The following PDE8B variants were observed in gnomAD, a reference collection of about 807,000 sequenced individuals.
PDE8B encodes the protein phosphodiesterase 8B.
Under a neutral mutation model 101.3 loss-of-function variants are expected in PDE8B, and 26 were observed. The ratio of observed to expected loss-of-function variants is 0.26; its 90% CI spans 0.19 to 0.36. PDE8B has a LOEUF of 0.36. PDE8B is among the 10% of genes least tolerant of loss of function. PDE8B has a pLI of 1.00. For missense variants in PDE8B, 810 were observed against 1,163.1 expected, an observed-to-expected ratio of 0.70 and a Z score of 4.42; for synonymous variants, 424 against 429.3, an observed-to-expected ratio of 0.99 and a Z score of 0.15.
the PDE8B span, among the ~76,000 whole-genome samples, chr5:77,099,403 T>C: frequency 6.6e-6 from 1 of 152,174 alleles, no homozygotes. Context: ...GCCTGTTCAA[T>C]ATGTAGCAGG....
the PDE8B span, among the ~76,000 whole-genome samples, chr5:77,168,483 T>C: frequency 5.9e-5 from 9 of 152,230 alleles, no homozygotes; most frequent in Non-Finnish European, 1.2e-4. Flanking sequence ...CTCTGCCACT[T>C]GTGCCCTGGT....
intron 6 of PDE8B, among the ~76,000 whole-genome samples, chr5:77,341,682 A>G (rs946592694): frequency 3.9e-5 from 6 of 152,226 alleles, no homozygotes; most frequent in African/African-American, 1.2e-4. Flanking sequence ...CCTTCCCTAC[A>G]GTGCTTCGTC....
At chr5:77,362,219 G>A (rs377235130) in intron 10 of PDE8B, among the ~76,000 whole-genome samples, 4 of 152,322 alleles carry the variant, frequency 2.6e-5, no homozygotes, top group African/African-American at 7.2e-5. Flanking sequence ...AGTACATACT[G>A]ACTTGCGAAA....
chr5:77,242,029 C>G (rs910433828), intron 1 of PDE8B, among the ~76,000 whole-genome samples: 1 of 152,202 alleles, frequency 6.6e-6, no homozygotes, highest in Non-Finnish European at 1.5e-5. Flanking sequence ...TGTAAAATAT[C>G]CAGAGCTTCT....
intron 20 of PDE8B, among the ~76,000 whole-genome samples, chr5:77,422,205 G>C (rs1041976350): frequency 3.9e-5 from 6 of 152,214 alleles, no homozygotes; most frequent in Admixed American, 3.3e-4. Context: ...TGAGAAGGGG[G>C]ATAAACTGAG....
chr5:77,234,921 G>A (rs764343482), intron 1 of PDE8B, among the ~76,000 whole-genome samples: 2 of 152,136 alleles, frequency 1.3e-5, no homozygotes, highest in African/African-American at 4.8e-5. Flanking sequence ...GAGCATGCAC[G>A]CAAAGTGCTC....
intron 1 of PDE8B, among the ~76,000 whole-genome samples, chr5:77,297,902 C>T (rs1282277061): frequency 1.3e-5 from 2 of 152,176 alleles, no homozygotes; most frequent in African/African-American, 4.8e-5. Context: ...TTGCCTGAAT[C>T]CCCAGATTGA....
chr5:77,206,446 G>T (rs1341334898), upstream of PDE8B, among the ~76,000 whole-genome samples: 1 of 152,208 alleles, frequency 6.6e-6, no homozygotes. Flanking sequence ...ACACGGGTTG[G>T]GAATAGGCAT....
chr5:77,156,410 T>C, the PDE8B span, among the ~76,000 whole-genome samples: 1 of 152,226 alleles, frequency 6.6e-6, no homozygotes, highest in Non-Finnish European at 1.5e-5. Context: ...ACTGTCAATG[T>C]AGGTAGATTG....
chr5:77,152,459 C>T, the PDE8B span, among the ~76,000 whole-genome samples: 15,228 of 152,092 alleles, frequency 0.1, 1,182 homozygotes, highest in African/African-American at 0.22. Flanking sequence ...GTCCTTATGG[C>T]GGGGAGTGGC....
chr5:77,349,004 A>T (rs574217705), intron 7 of PDE8B, among the ~76,000 whole-genome samples: 102 of 152,188 alleles, frequency 6.7e-4, no homozygotes, highest in African/African-American at 2.4e-3. Context: ...TTCTTTTTTT[A>T]ACTACAAACA....
At chr5:77,218,947 T>C (rs1181625866) in intron 1 of PDE8B, among the ~76,000 whole-genome samples, 1 of 152,236 alleles carries the variant, frequency 6.6e-6, no homozygotes, top group Non-Finnish European at 1.5e-5. Flanking sequence ...ACTGGATTTA[T>C]AGACAGATAG....
chr5:77,259,631 G>A (rs910663133), intron 1 of PDE8B, among the ~76,000 whole-genome samples: 8 of 152,112 alleles, frequency 5.3e-5, no homozygotes, highest in African/African-American at 1.7e-4. Flanking sequence ...AGAAGGAGGG[G>A]GAACTCTGCA....
chr5:77,153,471 TA>T, the PDE8B span, among the ~76,000 whole-genome samples: 31 of 152,220 alleles, frequency 2.0e-4, no homozygotes, highest in African/African-American at 7.5e-4. Flanking sequence ...ACACAGGTTC[TA>T]GGGGGAGGGC....
chr5:77,286,581 A>ATTT (rs77350972), intron 1 of PDE8B, among the ~76,000 whole-genome samples: 17,569 of 152,084 alleles, frequency 0.12, 1,178 homozygotes, highest in East Asian at 0.28. Flanking sequence ...TTAGGTTGTC[A>ATTT]TTTTTTGTGT....
intron 1 of PDE8B, among the ~76,000 whole-genome samples, chr5:77,255,240 C>T (rs960272061): frequency 3.3e-5 from 5 of 152,162 alleles, no homozygotes; most frequent in African/African-American, 1.2e-4. Flanking sequence ...ACTCTCTTTT[C>T]TGGAAAGGTT....
chr5:77,250,182 A>G (rs146915454), intron 1 of PDE8B, among the ~76,000 whole-genome samples: 51 of 152,350 alleles, frequency 3.3e-4, no homozygotes, highest in African/African-American at 1.2e-3. Flanking sequence ...TGGGATGGGT[A>G]TGTTGCATTT....
the PDE8B span, among the ~76,000 whole-genome samples, chr5:77,163,077 G>A: frequency 6.6e-6 from 1 of 152,178 alleles, no homozygotes; most frequent in Non-Finnish European, 1.5e-5. Flanking sequence ...TCTCAAAGTA[G>A]CCATTTGCCA....
At chr5:77,136,599 G>C in the PDE8B span, among the ~76,000 whole-genome samples, 1 of 152,138 alleles carries the variant, frequency 6.6e-6, no homozygotes, top group African/African-American at 2.4e-5. Context: ...ACCCTCCTTG[G>C]TTCCACTGCA....
Sources: gnomAD v4.1 joint callset for allele counts (sites outside exome capture counted in the v4.1 genomes callset) on GRCh38, gnomAD v4.1.1 for gene constraint, MANE v1.5 for transcripts, NCBI Gene and HGNC (gene_info 2026-07-23, HGNC 2026-07-21) for gene names.